Variants in MACROD2 observed in about 807,000 individuals in gnomAD.
MACROD2 encodes the protein ADP-ribose glycohydrolase MACROD2.
A neutral mutation model predicts 70.4 loss-of-function variants in MACROD2; 36 were observed. The ratio of observed to expected loss-of-function variants is 0.51; its 90% CI spans 0.39 to 0.68. The LOEUF is 0.68. MACROD2 is among the 30% of genes least tolerant of loss of function. The pLI is 0.00. For missense variants in MACROD2, 496 were observed against 538.4 expected (o/e 0.92, Z 0.78); for synonymous variants, 172 against 178.8 (o/e 0.96, Z 0.30).
intron 5 of MACROD2, among the ~76,000 whole-genome samples, chr20:14,854,127 C>T (rs1489053867): frequency 2.0e-5 from 3 of 152,002 alleles, no homozygotes; most frequent in Non-Finnish European, 4.4e-5. Context: ...GATTTTTGTC[C>T]GTGAGTTCAG....
intron 5 of MACROD2, among the ~76,000 whole-genome samples, chr20:15,064,568 C>T (rs953749799): frequency 6.6e-6 from 1 of 152,182 alleles, no homozygotes; most frequent in African/African-American, 2.4e-5. Context: ...TAAGTAACTT[C>T]GCATTTTTCA....
chr20:14,591,745 C>T (rs553848654), intron 4 of MACROD2, among the ~76,000 whole-genome samples: 1 of 152,176 alleles, frequency 6.6e-6, no homozygotes, highest in Non-Finnish European at 1.5e-5. Context: ...GCAATATTAT[C>T]TTCTCAGGCT....
chr20:14,892,621 A>G (rs1277867233), intron 5 of MACROD2: 1 of 152,172 alleles, frequency 6.6e-6, no homozygotes, highest in Non-Finnish European at 1.5e-5. Context: ...TTGTTATGCA[A>G]TAGATCTCTA....
At chr20:15,451,268 A>G (rs183739633) in intron 7 of MACROD2, among the ~76,000 whole-genome samples, 110 of 152,012 alleles carry the variant, frequency 7.2e-4, no homozygotes, top group Non-Finnish European at 1.1e-3. Flanking sequence ...ACTCTTTCAC[A>G]CCTTTCATTT....
intron 8 of MACROD2, among the ~76,000 whole-genome samples, chr20:15,570,721 A>G (rs1017002798): frequency 3.9e-5 from 6 of 152,212 alleles, no homozygotes; most frequent in Non-Finnish European, 8.8e-5. Flanking sequence ...CAAAAGAAGT[A>G]TTAGAATCCT....
At chr20:15,810,842 T>G (rs1166504560) in intron 8 of MACROD2, among the ~76,000 whole-genome samples, 1 of 151,786 alleles carries the variant, frequency 6.6e-6, no homozygotes, top group Admixed American at 6.6e-5. Flanking sequence ...GGGGAAAGGA[T>G]TCCCTATTTA....
At chr20:15,074,618 G>C (rs2075644186) in intron 5 of MACROD2, among the ~76,000 whole-genome samples, 1 of 152,154 alleles carries the variant, frequency 6.6e-6, no homozygotes, top group African/African-American at 2.4e-5. Context: ...TGAACCTGTG[G>C]TATCTGGCAC....
At chr20:13,998,822 G>A (rs1432908058) in intron 1 of MACROD2, among the ~76,000 whole-genome samples, 1 of 152,058 alleles carries the variant, frequency 6.6e-6, no homozygotes, top group Non-Finnish European at 1.5e-5. Flanking sequence ...GGTCGTGGTG[G>A]CACACGCCTG....
intron 2 of MACROD2, among the ~76,000 whole-genome samples, chr20:14,007,721 C>A (rs930352815): frequency 1.3e-5 from 2 of 152,124 alleles, no homozygotes; most frequent in Admixed American, 1.3e-4. Flanking sequence ...CACTAGAATA[C>A]CACCTAGAGA....
At chr20:15,346,812 C>CA (rs1383017779) in intron 6 of MACROD2, among the ~76,000 whole-genome samples, 3 of 152,152 alleles carry the variant, frequency 2.0e-5, no homozygotes, top group Admixed American at 6.6e-5. Context: ...AGTTCCTTGA[C>CA]ACCAACCACG....
At chr20:15,857,422 G>A (rs952752192) in intron 8 of MACROD2, among the ~76,000 whole-genome samples, 1 of 152,210 alleles carries the variant, frequency 6.6e-6, no homozygotes, top group Non-Finnish European at 1.5e-5. Context: ...GAACCCCAAA[G>A]CTGTGATGTC....
chr20:15,224,698 A>T (rs749270906), intron 5 of MACROD2, among the ~76,000 whole-genome samples: 24 of 152,316 alleles, frequency 1.6e-4, no homozygotes, highest in Non-Finnish European at 2.9e-4. Context: ...TAGTCCCAAC[A>T]CTTTGGGAGA....
chr20:14,666,853 TC>T, intron 4 of MACROD2, among the ~76,000 whole-genome samples: 1 of 151,950 alleles, frequency 6.6e-6, no homozygotes, highest in Middle Eastern at 3.4e-3. Flanking sequence ...TTTAATAGGT[TC>T]CCCAGAGCTT....
chr20:14,712,938 T>G (rs2071354960), intron 5 of MACROD2, among the ~76,000 whole-genome samples: 1 of 152,172 alleles, frequency 6.6e-6, no homozygotes, highest in Non-Finnish European at 1.5e-5. Context: ...TGGGTATATA[T>G]TTTTTTCAAC....
chr20:15,081,502 A>G (rs565878574), intron 5 of MACROD2, among the ~76,000 whole-genome samples: 5 of 152,288 alleles, frequency 3.3e-5, no homozygotes, highest in African/African-American at 7.2e-5. Context: ...CCACATGGCT[A>G]TTCTTGAACC....
intron 3 of MACROD2, among the ~76,000 whole-genome samples, chr20:14,272,232 G>C (rs2082202696): frequency 6.6e-6 from 1 of 152,102 alleles, no homozygotes; most frequent in African/African-American, 2.4e-5. Context: ...AAATGTTAAA[G>C]GCAGCCAGAG....
intron 2 of MACROD2, among the ~76,000 whole-genome samples, chr20:14,060,270 A>G (rs1344589106): frequency 4.6e-5 from 7 of 152,104 alleles, no homozygotes; most frequent in African/African-American, 9.7e-5. Flanking sequence ...ACCTGTGTCT[A>G]TGTGGTCCAA....
Position 14,669,121 on chromosome 20 carries a change from G to A in MACROD2, c.302-15722G>A, listed in dbSNP as rs1447767732. On this transcript the variant is annotated intron_variant, in intron 4 of 17. Coordinates refer to ENST00000684519, the MANE Select transcript of MACROD2 (RefSeq NM_001351661.2). ...CTTAAAGCTCCTCTTAATAAATAAT[G>A]GAAAGAAAGAAAGTTGATGTTTGGA... 2.0e-5 allele frequency among the ~76,000 whole-genome samples: 3 copies of A among 151,992 alleles called. No individual in the cohort carries two copies. The East Asian group carries it at 5.8e-4, about 29-fold the overall frequency.
At chr20:14,693,058 T>A (rs2123615076) in intron 5 of MACROD2, among the ~76,000 whole-genome samples, 1 of 152,306 alleles carries the variant, frequency 6.6e-6, no homozygotes, top group Admixed American at 6.5e-5. Context: ...TGTCTATACC[T>A]CCTATTTCCT....
Sources: allele counts gnomAD v4.1 joint callset (sites outside exome capture counted in the v4.1 genomes callset), GRCh38; gene constraint gnomAD v4.1.1; transcripts MANE v1.5; gene names NCBI Gene and HGNC (gene_info 2026-07-23, HGNC 2026-07-21).